SEC14L1: variants seen among roughly 807,000 people sequenced by gnomAD.
SEC14L1 encodes the protein SEC14-like protein 1.
A neutral mutation model predicts 85.3 loss-of-function variants in SEC14L1; 48 were observed. The ratio of observed to expected loss-of-function variants is 0.56; its 90% CI spans 0.45 to 0.72. The LOEUF is 0.72. Ranked by LOEUF, SEC14L1 falls within the 30% of genes least tolerant of loss-of-function variation. The pLI is 0.00. For synonymous variants in SEC14L1, 391 were observed against 355.5 expected (o/e 1.10, Z -1.12); for missense variants, 682 against 921.4 (o/e 0.74, Z 3.36).
chr17:77,126,589 TG>T (rs1198823834), intron 3 of SEC14L1, among the ~76,000 whole-genome samples: 7 of 152,200 alleles, frequency 4.6e-5, no homozygotes, highest in Non-Finnish European at 1.0e-4. Context: ...GCTAAGAGGC[TG>T]GTTCCCAGAG....
chr17:77,182,898 C>A (rs1423736346), intron 3 of SEC14L1, among the ~76,000 whole-genome samples: 1 of 152,216 alleles, frequency 6.6e-6, no homozygotes, highest in African/African-American at 2.4e-5. Flanking sequence ...GCTTGAAAAG[C>A]ATAAGCTCCC....
In SEC14L1 at chr17:77,214,567, G is replaced by T; in HGVS notation, c.*544G>T. Reference sequence around the variant, plus strand: ...GTCCTTATCCTCTGAGGATTCAGAGGTTGCCTGCGGAGTACCTTGTCCCAG... The same window carrying T: ...GTCCTTATCCTCTGAGGATTCAGAGTTTGCCTGCGGAGTACCTTGTCCCAG... On this transcript the variant is annotated 3_prime_UTR_variant, in exon 17 of 17. Coordinates refer to ENST00000436233, the MANE Select transcript of SEC14L1 (RefSeq NM_001143998.2). 1 of 989,278 alleles carries T rather than the reference G, an allele frequency of 1.0e-6. No homozygotes were observed. The highest frequency in any genetic ancestry group is 1.2e-6 in the Non-Finnish European group (1 of 832,254). 61.3% of individuals were successfully genotyped at this position (989,278 alleles called of 1,614,324 possible).
rs375335873 is a variant in SEC14L1, at chr17:77,213,973, G to A, written c.2098G>A (p.Ala700Thr). ...SHSGFSQLSA[A>T]TTSSSQSHSS... ...CAGCGGCTTCTCCCAGCTGAGTGCC[G>A]CCACCACCTCCTCCAGCCAGTCCCA... is the stretch of plus-strand genomic sequence containing the variant. The change falls in exon 17 of 17, where the codon GCC becomes ACC. Residue 700 changes from alanine (A) to threonine (T), a missense_variant. Ala to Thr is a moderately conservative substitution (Grantham distance 58). Around this residue, in one of 3 missense-constraint regions of SEC14L1, gnomAD observed 420 missense variants for 619.5 expected, o/e 0.68. Transcript: ENST00000436233. This position sits in a 1 kb window ranked among gnomAD's most constrained non-coding sequence, Gnocchi z 7.1. The A allele has an allele frequency of 1.2e-4, 186 of 1,613,226 alleles. 1 individual carries two copies. The South Asian group carries it at 1.8e-3, about 16-fold the overall frequency.
At position 77,141,413 on chromosome 17, in the gene SEC14L1, C is replaced by T. The variant is rs1169191064; in HGVS notation, c.-136+306C>T. The T allele has an allele frequency of 2.0e-5, 3 of 148,386 alleles. No individual in the cohort carries two copies. The East Asian group carries it at 6.1e-4, about 30-fold the overall frequency. The allele number at this position is 148,386 out of a possible 1,614,324, so 9.2% of individuals were successfully genotyped here. On this transcript the variant is annotated intron_variant, in intron 1 of 16. Coordinates refer to ENST00000436233, the MANE Select transcript of SEC14L1 (RefSeq NM_001143998.2). ...TTTGCTGAGAGCGGAGTTTCGGGTC[C>T]GGAGCCAGTGCCCGCCCCTCTCTCC...
intron 3 of SEC14L1, among the ~76,000 whole-genome samples, chr17:77,154,253 T>C (rs1973702205): frequency 6.6e-6 from 1 of 152,104 alleles, no homozygotes; most frequent in Non-Finnish European, 1.5e-5. Context: ...GGAGAATCAC[T>C]TGAGGCCAGT....
intron 3 of SEC14L1, among the ~76,000 whole-genome samples, chr17:77,149,131 C>T (rs1249160744): frequency 6.6e-6 from 1 of 152,198 alleles, no homozygotes; most frequent in African/African-American, 2.4e-5. Flanking sequence ...ATGTTTCTCT[C>T]CCTTCCCCGG....
At chr17:77,091,151 G>A (rs1971745043) in intron 2 of SEC14L1, among the ~76,000 whole-genome samples, 1 of 152,114 alleles carries the variant, frequency 6.6e-6, no homozygotes, top group African/African-American at 2.4e-5. Flanking sequence ...GCAGTGGTGT[G>A]ATCTTGGCTC....
chr17:77,119,624 T>A (rs1379076362), intron 3 of SEC14L1, among the ~76,000 whole-genome samples: 1 of 152,170 alleles, frequency 6.6e-6, no homozygotes, highest in Non-Finnish European at 1.5e-5. Flanking sequence ...GATGAAATAA[T>A]TTATGCTGAG....
intron 6 of SEC14L1, 77 bp downstream of exon 6, chr17:77,193,626 ATG>A: frequency 1.4e-6 from 2 of 1,454,560 alleles, no homozygotes; most frequent in East Asian, 4.6e-5. Context: ...AAGGCTGGGG[ATG>A]GCTTAGCAAG....
chr17:77,176,626 G>T (rs1275895433), intron 3 of SEC14L1, among the ~76,000 whole-genome samples: 1 of 152,182 alleles, frequency 6.6e-6, no homozygotes, highest in Non-Finnish European at 1.5e-5. Context: ...TCGCTCTGTT[G>T]TCCAGGCTGG....
At chr17:77,128,573 C>T (rs1364929807) in intron 3 of SEC14L1, among the ~76,000 whole-genome samples, 1 of 151,622 alleles carries the variant, frequency 6.6e-6, no homozygotes, top group Non-Finnish European at 1.5e-5. Context: ...ATTCTCCTGC[C>T]TCAGCCTCCT....
chr17:77,203,142 CAT>C (rs1316367203), intron 9 of SEC14L1, among the ~76,000 whole-genome samples: 2 of 152,104 alleles, frequency 1.3e-5, no homozygotes, highest in Non-Finnish European at 2.9e-5. Context: ...ACTCTGTAGT[CAT>C]AGAAAAAGTG....
At chr17:77,196,371 C>A (rs1157654722) in intron 8 of SEC14L1, 60 bp downstream of exon 8, 9 of 1,011,060 alleles carry the variant, frequency 8.9e-6, no homozygotes, top group South Asian at 1.4e-5. Flanking sequence ...CATGGAATCT[C>A]TTTCTGTCAT....
chr17:77,200,831 T>G (rs1976100405), intron 9 of SEC14L1, among the ~76,000 whole-genome samples, 158 bp downstream of exon 9: 1 of 152,192 alleles, frequency 6.6e-6, no homozygotes, highest in African/African-American at 2.4e-5. Flanking sequence ...TTGAACAGAC[T>G]GATACGTGTC....
chr17:77,215,432 G>A lies in SEC14L1; in HGVS notation c.*1409G>A. The stretch of plus-strand genomic sequence containing the variant: ...CAACTGTGTGCGTGGTAGGCATGGA[G>A]ATCCTGGTTGTGCCGTCTCAGCTCC... On this transcript the variant is annotated 3_prime_UTR_variant, in exon 17 of 17. Transcript: ENST00000436233. The A allele has an allele frequency of 6.1e-6, 6 of 985,574 alleles. No homozygotes were observed. The highest frequency in any genetic ancestry group is 7.2e-6 in the Non-Finnish European group (6 of 830,020). 61.1% of individuals were successfully genotyped at this position (985,574 alleles called of 1,614,324 possible).
At chr17:77,161,761 AG>A (rs1348052402) in intron 3 of SEC14L1, among the ~76,000 whole-genome samples, 3 of 111,250 alleles carry the variant, frequency 2.7e-5, no homozygotes, top group Admixed American at 1.1e-4. Context: ...TAAGGAAGGG[AG>A]GGGAATAAAC....
intron 15 of SEC14L1, chr17:77,212,597 C>T: frequency 5.0e-6 from 1 of 199,854 alleles, no homozygotes; most frequent in South Asian, 9.8e-5. Flanking sequence ...GCTCTCATTA[C>T]CAAACCTTCT....
intron 3 of SEC14L1, among the ~76,000 whole-genome samples, chr17:77,123,650 C>T (rs550238085): frequency 1.3e-5 from 2 of 151,464 alleles, no homozygotes; most frequent in South Asian, 2.1e-4. Flanking sequence ...TGGGCTCAAG[C>T]GATCTGCCCA....
intron 3 of SEC14L1, among the ~76,000 whole-genome samples, chr17:77,131,200 T>A (rs1004994409): frequency 9.2e-5 from 14 of 152,228 alleles, no homozygotes; most frequent in Non-Finnish European, 1.8e-4. Flanking sequence ...GAATAGGCTG[T>A]GTTTCAACTG....
Sources: gnomAD v4.1 joint callset for allele counts (sites outside exome capture counted in the v4.1 genomes callset) on GRCh38, gnomAD v4.1.1 for gene constraint, gnomAD v4.1.1 regional missense constraint, Gnocchi (gnomAD v3.1) non-coding constraint, MANE v1.5 for transcripts, NCBI Gene and HGNC (gene_info 2026-07-23, HGNC 2026-07-21) for gene names.